The following HDGF variants were observed in gnomAD, a reference collection of about 807,000 sequenced individuals.
HDGF encodes the protein heparin binding growth factor.
HDGF carries 5 observed loss-of-function variants against 30.0 expected under a neutral mutation model. The ratio of observed to expected loss-of-function variants is 0.17; its 90% CI spans 0.09 to 0.35. HDGF has a LOEUF of 0.35. HDGF is among the 10% of genes least tolerant of loss of function. HDGF has a pLI of 1.00. For synonymous variants in HDGF, 133 were observed against 112.7 expected, an observed-to-expected ratio of 1.18 and a Z score of -1.14; for missense variants, 214 against 302.8, an observed-to-expected ratio of 0.71 and a Z score of 2.18.
chr1:156,748,986 C>G (rs948265180), intron 1 of HDGF, among the ~76,000 whole-genome samples: 2 of 152,180 alleles, frequency 1.3e-5, no homozygotes, highest in African/African-American at 4.8e-5. Flanking sequence ...AGAAAGGGAT[C>G]AGGGGGGAAA....
chr1:156,761,601 T>A (rs1433400264), intron 1 of HDGF, among the ~76,000 whole-genome samples: 1 of 139,194 alleles, frequency 7.2e-6, no homozygotes, highest in African/African-American at 2.7e-5. Context: ...AGAGTGAGAC[T>A]CTGTCTCAAA....
At chr1:156,760,607 C>T (rs760027729) in intron 1 of HDGF, among the ~76,000 whole-genome samples, 2 of 152,078 alleles carry the variant, frequency 1.3e-5, no homozygotes, top group Non-Finnish European at 2.9e-5. Context: ...TAGGTGTGTG[C>T]CAGGCCCTGG....
upstream of HDGF, among the ~76,000 whole-genome samples, chr1:156,753,984 C>T (rs913902118): frequency 5.9e-5 from 9 of 152,024 alleles, no homozygotes; most frequent in South Asian, 2.1e-4. Flanking sequence ...GGTGCAATCT[C>T]GGCTCACTGC....
intron 2 of HDGF, 25 bp downstream of exon 2, chr1:156,745,272 C>CTA: frequency 6.2e-7 from 1 of 1,612,982 alleles, no homozygotes. Flanking sequence ...CCCTCCCGAC[C>CTA]TATACCCCTT....
chr1:156,758,599 A>AAAAT lies in HDGF; in HGVS notation n.373+383_373+384insATTT, dbSNP rs1558039723. Among the ~76,000 whole-genome samples, 22 of 85,236 alleles carry AAAAT rather than the reference A, an allele frequency of 2.6e-4. 4 individuals are homozygous for AAAAT. The highest frequency in any genetic ancestry group is 4.3e-4 in the Admixed American group (3 of 7,002). The allele number at this position is 85,236 out of a possible 152,430, so 55.9% of individuals were successfully genotyped here. On this transcript the variant is annotated intron_variant and non_coding_transcript_variant, in intron 2 of 7. Coordinates refer to the HDGF transcript ENST00000465180. ...CAGAGCGAGACTCCGTCTCAAAAAA[A>AAAAT]AAAATAAATAAATAAATAAATAAAA...
Position 156,743,366 on chromosome 1 carries a change from G to T in HDGF, c.*83C>A. ...GGTTGGGGTGGGAAAGGGGTTCCCAGTTTGCAGGCCATGGCCAGTTTCCCC... is the reference window on the plus strand; with the variant it reads ...GGTTGGGGTGGGAAAGGGGTTCCCATTTTGCAGGCCATGGCCAGTTTCCCC... On this transcript the variant is annotated 3_prime_UTR_variant, in exon 6 of 6. Transcript: ENST00000357325. The T allele has an allele frequency of 7.1e-7, 1 of 1,415,814 alleles. No individual in the cohort carries two copies. Among genetic ancestry groups the T allele is most frequent in the Non-Finnish European group, 9.5e-7 (1 of 1,048,422 alleles). 87.7% of individuals were successfully genotyped at this position (1,415,814 alleles called of 1,614,324 possible). A position where few individuals can be genotyped will look rare whatever the true frequency, so the allele number is the denominator to read the frequency against.
intron 1 of HDGF, among the ~76,000 whole-genome samples, chr1:156,759,502 G>T (rs12137835): frequency 0.026 from 2,537 of 98,160 alleles, 38 homozygotes; most frequent in South Asian, 0.042. Context: ...TTTTTTTTGA[G>T]ATGGAGTCTC....
chr1:156,761,607 T>TCAAAA (rs1350995169), intron 1 of HDGF, among the ~76,000 whole-genome samples: 5 of 130,360 alleles, frequency 3.8e-5, no homozygotes, highest in Admixed American at 2.5e-4. Flanking sequence ...AGACTCTGTC[T>TCAAAA]CAAAACAAAA....
At chr1:156,767,220 G>T (rs916062822), upstream of HDGF, among the ~76,000 whole-genome samples, 1 of 152,138 alleles carries the variant, frequency 6.6e-6, no homozygotes, top group African/African-American at 2.4e-5. Flanking sequence ...TGGCCAAGGG[G>T]CTACCCTAGG....
chr1:156,759,997 T>C (rs2102739477), intron 1 of HDGF, among the ~76,000 whole-genome samples: 1 of 152,356 alleles, frequency 6.6e-6, no homozygotes, highest in African/African-American at 2.4e-5. Flanking sequence ...CCATTTTTCT[T>C]TCCACTTTGC....
chr1:156,751,245 C>G lies in HDGF; in HGVS notation c.87+98G>C, dbSNP rs993355151. On this transcript the variant is annotated intron_variant, in intron 1 of 5. Transcript: ENST00000357325. This position sits in a 1 kb window ranked among gnomAD's most constrained non-coding sequence, Gnocchi z 4.7. ...CCGGAGACCTACAAGCCCCCTGCCCCCACCTCTGCCCGCTCCGCGCGGAGC... is the reference window on the plus strand; with the variant it reads ...CCGGAGACCTACAAGCCCCCTGCCCGCACCTCTGCCCGCTCCGCGCGGAGC... 3 of 1,408,200 alleles carry G rather than the reference C, an allele frequency of 2.1e-6. No homozygotes were observed. The highest frequency in any genetic ancestry group is 6.0e-5 in the East Asian group (2 of 33,546). The allele number at this position is 1,408,200 out of a possible 1,614,324, so 87.2% of individuals were successfully genotyped here. A position where few individuals can be genotyped will look rare whatever the true frequency, so the allele number is the denominator to read the frequency against.
At chr1:156,753,069 C>G (rs1651069517), upstream of HDGF, among the ~76,000 whole-genome samples, 2 of 152,224 alleles carry the variant, frequency 1.3e-5, no homozygotes, top group African/African-American at 4.8e-5. Flanking sequence ...GCCCTGGTAA[C>G]TAACAACAGA....
At chr1:156,747,396 T>C in intron 1 of HDGF, 1 of 150,988 alleles carries the variant, frequency 6.6e-6, no homozygotes, top group Non-Finnish European at 1.5e-5. Context: ...CTGCAGGGGG[T>C]ACGGGGCGAA....
At chr1:156,754,666 G>A (rs751019578), upstream of HDGF, among the ~76,000 whole-genome samples, 7 of 151,426 alleles carry the variant, frequency 4.6e-5, no homozygotes, top group Non-Finnish European at 4.4e-5. Flanking sequence ...ATTCTAGGCC[G>A]GGCATGGTGG....
chr1:156,745,080 G>C lies in HDGF; in HGVS notation c.231C>G (p.Asn77Lys). The change falls in exon 3 of 6, where the codon AAC becomes AAG. Residue 77 changes from asparagine to lysine, a missense_variant. Physicochemically the swap from Asn to Lys is moderately conservative, Grantham distance 94 (BLOSUM62 0). This residue lies in a region of HDGF where 176 missense variants were observed against 211.7 expected (regional missense o/e 0.83). Coordinates refer to ENST00000357325, the MANE Select transcript of HDGF (RefSeq NM_004494.3). ...GCCCCTCGCTGAACCCTTTCCTCTT[G>C]TTGGGCTTGCCAAACTTCTCCTTGG... ...EESKEKFGKP[N>K]KRKGFSEGLW... 1.2e-6 allele frequency: 2 copies of C among 1,613,966 alleles called. No homozygotes were observed. The highest frequency in any genetic ancestry group is 1.7e-6 in the Non-Finnish European group (2 of 1,180,000).
upstream of HDGF, among the ~76,000 whole-genome samples, chr1:156,755,863 T>C (rs1224544230): frequency 2.0e-5 from 3 of 152,236 alleles, no homozygotes; most frequent in African/African-American, 7.2e-5. Flanking sequence ...GGACACTTTG[T>C]GTGTAACTTT....
At position 156,751,382 on chromosome 1, in the gene HDGF, C is replaced by A. The variant is rs1346602008; in HGVS notation, c.48G>T (p.Val16=). ...GTGGGTAGCCCTTCATCTTGGCGAA[C>A]ACCAGGTCCCCGCATTTGTACTCCT... is the stretch of plus-strand genomic sequence containing the variant. The part of the protein sequence containing the change: ...RQKEYKCGDL[V]FAKMKGYPHW... Residue 16 remains valine, a synonymous_variant, in exon 1 of 6, where the codon GTG becomes GTT. Coordinates refer to ENST00000357325, the MANE Select transcript of HDGF (RefSeq NM_004494.3). The surrounding 1 kb of genome is among the most constrained non-coding windows in gnomAD (Gnocchi z 4.7). The A allele has an allele frequency of 3.1e-6, 5 of 1,610,146 alleles. No individual in the cohort carries two copies. The highest frequency in any genetic ancestry group is 3.4e-6 in the Non-Finnish European group (4 of 1,178,136).
At chr1:156,764,043 G>T (rs1344215721) in intron 1 of HDGF, among the ~76,000 whole-genome samples, 1 of 151,358 alleles carries the variant, frequency 6.6e-6, no homozygotes, top group Non-Finnish European at 1.5e-5. Flanking sequence ...GGGACTACAG[G>T]TGTGTGCCAC....
chr1:156,750,963 G>T (rs1250718936), intron 1 of HDGF, among the ~76,000 whole-genome samples: 1 of 150,464 alleles, frequency 6.6e-6, no homozygotes, highest in Non-Finnish European at 1.5e-5. Context: ...TGGCGGCGGC[G>T]CCTGGGGTCG....
Sources: allele counts gnomAD v4.1 joint callset (sites outside exome capture counted in the v4.1 genomes callset), GRCh38; gene constraint gnomAD v4.1.1; regional missense constraint gnomAD v4.1.1; non-coding constraint Gnocchi (gnomAD v3.1); transcripts MANE v1.5; gene names NCBI Gene and HGNC (gene_info 2026-07-23, HGNC 2026-07-21).